PDE3B: variants seen among roughly 807,000 people sequenced by gnomAD.
PDE3B encodes cGMP-inhibited 3',5'-cyclic phosphodiesterase 3B.
Under a neutral mutation model 116.8 loss-of-function variants are expected in PDE3B, and 66 were observed. The ratio of observed to expected loss-of-function variants is 0.56; its 90% CI spans 0.46 to 0.69. The LOEUF (loss-of-function observed/expected upper bound fraction) is 0.69, where lower values mean the gene tolerates loss of function less well. Among genes scored for constraint, PDE3B ranks in the 30% least tolerant of loss-of-function variants. The pLI is 0.00. For synonymous variants in PDE3B, 595 were observed against 533.6 expected, an observed-to-expected ratio of 1.12 and a Z score of -1.59; for missense variants, 1,384 against 1,368.1, an observed-to-expected ratio of 1.01 and a Z score of -0.18.
intron 4 of PDE3B, among the ~76,000 whole-genome samples, chr11:14,790,265 A>G (rs947079313): frequency 6.6e-6 from 1 of 151,854 alleles, no homozygotes; most frequent in Non-Finnish European, 1.5e-5. Flanking sequence ...GGATTGAAGT[A>G]TGAAGAGTAC....
intron 11 of PDE3B, among the ~76,000 whole-genome samples, chr11:14,835,651 GT>G (rs2067129950): frequency 6.6e-6 from 1 of 151,964 alleles, no homozygotes; most frequent in South Asian, 2.1e-4. Context: ...AACATTTATA[GT>G]TCTCTTATTC....
intron 10 of PDE3B, among the ~76,000 whole-genome samples, chr11:14,834,397 T>C (rs1473156987): frequency 6.6e-6 from 1 of 152,206 alleles, no homozygotes; most frequent in Non-Finnish European, 1.5e-5. Flanking sequence ...AGTGTTTCAG[T>C]TTTAGGTCTA....
chr11:14,727,379 A>G (rs1856339153), intron 1 of PDE3B, among the ~76,000 whole-genome samples: 1 of 152,128 alleles, frequency 6.6e-6, no homozygotes, highest in African/African-American at 2.4e-5. Flanking sequence ...TAGAGGATCT[A>G]AGGATCTGAG....
intron 1 of PDE3B, among the ~76,000 whole-genome samples, chr11:14,657,609 G>T (rs1282238682): frequency 1.3e-5 from 2 of 151,980 alleles, no homozygotes; most frequent in Admixed American, 6.6e-5. Flanking sequence ...GTTTGTTTTT[G>T]TTGTAAAAAT....
chr11:14,703,011 G>C (rs1329349600), intron 1 of PDE3B, among the ~76,000 whole-genome samples: 1 of 151,854 alleles, frequency 6.6e-6, no homozygotes, highest in Non-Finnish European at 1.5e-5. Context: ...AGTTTCTCTA[G>C]TTCATTTTTT....
At chr11:14,722,232 G>T (rs559108618) in intron 1 of PDE3B, among the ~76,000 whole-genome samples, 1 of 151,798 alleles carries the variant, frequency 6.6e-6, no homozygotes, top group South Asian at 2.1e-4. Context: ...AATGGGTGCA[G>T]CACACCAACA....
intron 2 of PDE3B, 35 bp from the exon 3 acceptor site, chr11:14,786,402 C>T (rs1211871612): frequency 6.5e-7 from 1 of 1,549,972 alleles, no homozygotes. Context: ...ATGCCATGTA[C>T]AAATGAATGA....
intron 5 of PDE3B, 30 bp downstream of exon 5, chr11:14,804,080 T>C: frequency 8.4e-7 from 1 of 1,196,332 alleles, no homozygotes; most frequent in Non-Finnish European, 1.2e-6. Flanking sequence ...GACTCAAATA[T>C]GGGGGTTCTC....
At chr11:14,867,351 T>A (rs549294037) in intron 14 of PDE3B, among the ~76,000 whole-genome samples, 155 bp from the exon 15 acceptor site, 1 of 152,364 alleles carries the variant, frequency 6.6e-6, no homozygotes, top group South Asian at 2.1e-4. Context: ...CAATGTTAAA[T>A]TCTTACAGTT....
chr11:14,894,620 G>A, the PDE3B span, among the ~76,000 whole-genome samples: 93 of 152,194 alleles, frequency 6.1e-4, 3 homozygotes, highest in Admixed American at 1.2e-3. Flanking sequence ...CCCCGAGGCA[G>A]CCATTTCTGA....
intron 4 of PDE3B, among the ~76,000 whole-genome samples, chr11:14,794,261 C>T (rs916349612): frequency 1.3e-5 from 2 of 151,990 alleles, no homozygotes; most frequent in Admixed American, 6.5e-5. Context: ...GGCAAGCAAG[C>T]AATTCTGTAG....
intron 7 of PDE3B, among the ~76,000 whole-genome samples, chr11:14,824,060 A>G (rs979242286): frequency 2.6e-5 from 4 of 152,184 alleles, no homozygotes; most frequent in Admixed American, 2.6e-4. Context: ...CACCTCACAG[A>G]AAAGTGGTCG....
At chr11:14,880,868 C>G in the PDE3B span, 1 of 1,105,470 alleles carries the variant, frequency 9.0e-7, no homozygotes, top group Admixed American at 2.5e-5. Flanking sequence ...TCATCCTTCT[C>G]CAAATTGTCC....
intron 1 of PDE3B, among the ~76,000 whole-genome samples, chr11:14,694,549 A>G (rs1474447727): frequency 1.3e-5 from 2 of 152,212 alleles, no homozygotes; most frequent in Non-Finnish European, 2.9e-5. Flanking sequence ...TTTTAGCAAT[A>G]GAGTATTTTT....
intron 1 of PDE3B, among the ~76,000 whole-genome samples, chr11:14,669,818 G>C (rs894432637): frequency 3.9e-5 from 6 of 152,054 alleles, no homozygotes. Flanking sequence ...AAAGGGTAGA[G>C]GAGTATTGAA....
chr11:14,745,039 G>C (rs576659337), intron 1 of PDE3B, among the ~76,000 whole-genome samples: 1 of 151,854 alleles, frequency 6.6e-6, no homozygotes, highest in African/African-American at 2.4e-5. Flanking sequence ...TGCCCAGGCT[G>C]GTCTTGAACT....
intron 12 of PDE3B, among the ~76,000 whole-genome samples, chr11:14,845,206 G>A (rs548351985): frequency 3.3e-5 from 5 of 152,136 alleles, no homozygotes; most frequent in African/African-American, 4.8e-5. Flanking sequence ...TGCAGCCACC[G>A]CTGCTGGTAC....
At chr11:14,665,847 G>A (rs1590044568) in intron 1 of PDE3B, among the ~76,000 whole-genome samples, 2 of 152,138 alleles carry the variant, frequency 1.3e-5, no homozygotes, top group South Asian at 2.1e-4. Flanking sequence ...CGTGAAAATG[G>A]CCATACTGCC....
intron 1 of PDE3B, among the ~76,000 whole-genome samples, chr11:14,677,854 T>G (rs569268237): frequency 2.0e-5 from 3 of 152,328 alleles, no homozygotes; most frequent in Admixed American, 2.0e-4. Flanking sequence ...TCCGAGTTGT[T>G]GCATGAACCA....
Sources: allele counts gnomAD v4.1 joint callset (sites outside exome capture counted in the v4.1 genomes callset), GRCh38; gene constraint gnomAD v4.1.1; transcripts MANE v1.5; gene names NCBI Gene and HGNC (gene_info 2026-07-23, HGNC 2026-07-21).